Variants in RTKN2 observed in about 807,000 individuals in gnomAD.
The protein encoded by RTKN2 is rhotekin-2.
RTKN2 carries 69 observed loss-of-function variants against 71.5 expected under a neutral mutation model. The observed-to-expected ratio is 0.96, with a 90% CI of 0.79 to 1.18. The LOEUF is 1.18. Among genes scored for constraint, RTKN2 ranks in the 50% most tolerant of loss-of-function variants. RTKN2 has a pLI of 0.00. For missense variants in RTKN2, 724 were observed against 719.7 expected (o/e 1.01, Z -0.07); for synonymous variants, 236 against 236.5 (o/e 1.00, Z 0.02).
chr10:62,199,812 T>C lies in RTKN2; in HGVS notation c.1236A>G (p.Ser412=), dbSNP rs758886951. 3.7e-6 allele frequency: 6 copies of C among 1,613,654 alleles called. No homozygotes were observed. Among genetic ancestry groups the C allele is most frequent in the Non-Finnish European group, 5.1e-6 (6 of 1,179,774 alleles). Reference sequence around the variant, plus strand: ...TCAAGAACAAAGGTGGTTTCCGTGGTGACATAATCTCAATTTTCATAAGTT... The same window carrying C: ...TCAAGAACAAAGGTGGTTTCCGTGGCGACATAATCTCAATTTTCATAAGTT... ...CEELMKIEIM[S]PRKPPLFLTK... is the part of the protein sequence containing the mutation. Residue 412 remains serine, a synonymous_variant, in exon 11 of 12, where the codon TCA becomes TCG. Coordinates refer to ENST00000373789, the MANE Select transcript of RTKN2 (RefSeq NM_145307.4).
chr10:62,222,923 A>T (rs745553482), intron 7 of RTKN2, among the ~76,000 whole-genome samples: 2 of 152,186 alleles, frequency 1.3e-5, no homozygotes, highest in African/African-American at 4.8e-5. Context: ...GGCTTCCTTG[A>T]TTTCAAATTT....
Position 62,198,451 on chromosome 10 carries a change from A to G in RTKN2, c.1295-8T>C, listed in dbSNP as rs774890445. On this transcript the variant is annotated splice_polypyrimidine_tract_variant and splice_region_variant and intron_variant, in intron 11 of 11. Coordinates refer to ENST00000373789, the MANE Select transcript of RTKN2 (RefSeq NM_145307.4). ...TCATAGGTGAATCAATGCCTATAAT[A>G]ATTTTAAGAAAAAAAAACATGAAAA... The G allele has an allele frequency of 5.5e-5, 79 of 1,430,612 alleles. No individual in the cohort carries two copies. Among genetic ancestry groups the G allele is most frequent in the Non-Finnish European group, 7.4e-5 (79 of 1,062,620 alleles). 88.6% of individuals were successfully genotyped at this position (1,430,612 alleles called of 1,614,324 possible). A position where few individuals can be genotyped will look rare whatever the true frequency, so the allele number is the denominator to read the frequency against.
chr10:62,204,967 G>C lies in RTKN2; in HGVS notation c.1076C>G (p.Ser359Cys). 1 of 1,600,250 alleles carries C rather than the reference G, an allele frequency of 6.2e-7. No homozygotes were observed. Among genetic ancestry groups the C allele is most frequent in the Non-Finnish European group, 8.5e-7 (1 of 1,175,500 alleles). Residue 359 changes from serine (S) to cysteine (C), a missense_variant, in exon 10 of 12, where the codon TCT becomes TGT. Transcript: ENST00000373789. ...KDAKKRIHNF[S>C]VINPVPGQAI... Reference sequence around the variant, plus strand: ...TTGTCCAGGAACAGGATTGATGACAGAGAAATTATGGATTCTTTTCTTGGC... The same window carrying C: ...TTGTCCAGGAACAGGATTGATGACACAGAAATTATGGATTCTTTTCTTGGC...
chr10:62,212,109 A>AT (rs1161311042), intron 9 of RTKN2, among the ~76,000 whole-genome samples: 534 of 49,386 alleles, frequency 0.011, 3 homozygotes, highest in Non-Finnish European at 0.013. Context: ...CTACTTAAAA[A>AT]AAAAATATAT....
chr10:62,221,456 A>G (rs1841905074), intron 7 of RTKN2, among the ~76,000 whole-genome samples: 1 of 152,134 alleles, frequency 6.6e-6, no homozygotes, highest in South Asian at 2.1e-4. Context: ...ATACGAAAGG[A>G]CTAAAAGCTT....
Position 62,197,376 on chromosome 10 carries a change from G to A in RTKN2, c.*532C>T. 1.0e-6 allele frequency: 1 copy of A among 985,576 alleles called. No homozygotes were observed. Among genetic ancestry groups the A allele is most frequent in the Non-Finnish European group, 1.2e-6 (1 of 829,696 alleles). The allele number at this position is 985,576 out of a possible 1,614,324, so 61.1% of individuals were successfully genotyped here. A position where few individuals can be genotyped will look rare whatever the true frequency, so the allele number is the denominator to read the frequency against. On this transcript the variant is annotated 3_prime_UTR_variant, in exon 12 of 12. Coordinates refer to ENST00000373789, the MANE Select transcript of RTKN2 (RefSeq NM_145307.4). ...TTTATCCCAGGAATTTAAAAGGTCA[G>A]GCCTATAAACTAGTGAGTTAAACAA...
chr10:62,202,885 G>T (rs1205766588), intron 10 of RTKN2, among the ~76,000 whole-genome samples: 1 of 152,202 alleles, frequency 6.6e-6, no homozygotes, highest in Admixed American at 6.5e-5. Flanking sequence ...CAATAGCTGG[G>T]TGCGGTGGCT....
At chr10:62,220,115 T>C (rs970918828) in intron 7 of RTKN2, among the ~76,000 whole-genome samples, 3 of 152,182 alleles carry the variant, frequency 2.0e-5, no homozygotes, top group African/African-American at 7.2e-5. Context: ...AGAATTTTTT[T>C]TGTAAAAATA....
At chr10:62,211,875 AG>A (rs913265413) in intron 9 of RTKN2, among the ~76,000 whole-genome samples, 5 of 152,108 alleles carry the variant, frequency 3.3e-5, no homozygotes, top group South Asian at 2.1e-4. Context: ...CCTGTTATCC[AG>A]GATGGTCTTG....
chr10:62,220,167 C>T (rs967503230), intron 7 of RTKN2, among the ~76,000 whole-genome samples: 11 of 152,042 alleles, frequency 7.2e-5, no homozygotes, highest in African/African-American at 2.4e-4. Flanking sequence ...TGTAGTAAAA[C>T]CAAAAAGTTT....
intron 7 of RTKN2, among the ~76,000 whole-genome samples, 153 bp from the exon 8 acceptor site, chr10:62,218,454 C>G (rs980153204): frequency 2.0e-5 from 3 of 152,088 alleles, no homozygotes; most frequent in Admixed American, 6.5e-5. Context: ...TCATCCTACC[C>G]AAATACCAGT....
At chr10:62,262,199 C>T (rs1842786507) in intron 2 of RTKN2, among the ~76,000 whole-genome samples, 1 of 152,160 alleles carries the variant, frequency 6.6e-6, no homozygotes. Context: ...TTTTTAAGTT[C>T]CTTTCCATTC....
chr10:62,197,466 A>C lies in RTKN2; in HGVS notation c.*442T>G. 1.0e-6 allele frequency: 1 copy of C among 986,160 alleles called. No homozygotes were observed. The highest frequency in any genetic ancestry group is 1.2e-6 in the Non-Finnish European group (1 of 830,030). The allele number at this position is 986,160 out of a possible 1,614,324, so 61.1% of individuals were successfully genotyped here. ...ATGCTAAGAAAATTTTCTTGGGTGG[A>C]TTCTATAATTTGTGGTTTGAATAAA... On this transcript the variant is annotated 3_prime_UTR_variant, in exon 12 of 12. Transcript: ENST00000373789.
In RTKN2 at chr10:62,194,024, C is replaced by T. The variant is rs932701833; in HGVS notation, c.*3884G>A. 1.0e-6 allele frequency: 1 copy of T among 984,286 alleles called. No homozygotes were observed. 61.0% of individuals were successfully genotyped at this position (984,286 alleles called of 1,614,324 possible). On this transcript the variant is annotated 3_prime_UTR_variant, in exon 12 of 12. Coordinates refer to ENST00000373789, the MANE Select transcript of RTKN2 (RefSeq NM_145307.4). ...TTCATGAATCAGTTCTTTTAATGTACAGAAGTTTCAATTACATGACTTGGG... is the reference window on the plus strand; with the variant it reads ...TTCATGAATCAGTTCTTTTAATGTATAGAAGTTTCAATTACATGACTTGGG...
chr10:62,207,668 T>C (rs1841574928), intron 9 of RTKN2, among the ~76,000 whole-genome samples: 1 of 152,156 alleles, frequency 6.6e-6, no homozygotes, highest in Admixed American at 6.5e-5. Context: ...AGGAACTTGG[T>C]AATTCCCTGC....
intron 5 of RTKN2, among the ~76,000 whole-genome samples, chr10:62,237,110 G>GCAGTTAA (rs1445478753): frequency 1.3e-5 from 2 of 151,866 alleles, no homozygotes; most frequent in African/African-American, 4.8e-5. Flanking sequence ...TTGTTAAATA[G>GCAGTTAA]ATTTTAGCTG....
chr10:62,224,191 T>C (rs978927518), intron 6 of RTKN2, among the ~76,000 whole-genome samples: 5 of 151,938 alleles, frequency 3.3e-5, no homozygotes, highest in Non-Finnish European at 5.9e-5. Flanking sequence ...GCCAGGAGGA[T>C]AGAAGGAGGA....
chr10:62,217,954 T>C (rs917259926), intron 8 of RTKN2, among the ~76,000 whole-genome samples: 4 of 152,092 alleles, frequency 2.6e-5, no homozygotes, highest in Non-Finnish European at 4.4e-5. Flanking sequence ...CTGCTATTAA[T>C]GAAGCAGAGG....
intron 6 of RTKN2, among the ~76,000 whole-genome samples, chr10:62,228,312 C>T (rs1035008299): frequency 6.6e-5 from 10 of 152,076 alleles, no homozygotes; most frequent in South Asian, 2.1e-4. Context: ...GTATTCTAGA[C>T]GCCATATAAA....
Sources: gnomAD v4.1 joint callset for allele counts (sites outside exome capture counted in the v4.1 genomes callset) on GRCh38, gnomAD v4.1.1 for gene constraint, MANE v1.5 for transcripts, NCBI Gene and HGNC (gene_info 2026-07-23, HGNC 2026-07-21) for gene names.